Variants in LSAMP observed in about 807,000 individuals in gnomAD.
LSAMP encodes limbic system associated membrane protein.
Under a neutral mutation model 38.6 loss-of-function variants are expected in LSAMP, and 7 were observed. The ratio of observed to expected loss-of-function variants is 0.18; its 90% CI spans 0.10 to 0.34. The LOEUF is 0.34. Among genes scored for constraint, LSAMP ranks in the 10% least tolerant of loss-of-function variants. The pLI is 1.00. For synonymous variants in LSAMP, 154 were observed against 166.8 expected, an observed-to-expected ratio of 0.92 and a Z score of 0.59; for missense variants, 313 against 420.0, an observed-to-expected ratio of 0.75 and a Z score of 2.23.
At chr3:116,210,186 G>T (rs1297551530) in intron 1 of LSAMP, among the ~76,000 whole-genome samples, 1 of 152,162 alleles carries the variant, frequency 6.6e-6, no homozygotes, top group Non-Finnish European at 1.5e-5. Context: ...TGATTTTGAT[G>T]GTTAATATTG....
chr3:115,888,817 G>T (rs1216213892), intron 3 of LSAMP, among the ~76,000 whole-genome samples: 2 of 151,938 alleles, frequency 1.3e-5, no homozygotes, highest in Non-Finnish European at 2.9e-5. Flanking sequence ...AAAGAGGAAA[G>T]TCAACTATGT....
At chr3:116,211,120 T>C (rs1395700635) in intron 1 of LSAMP, among the ~76,000 whole-genome samples, 2 of 151,910 alleles carry the variant, frequency 1.3e-5, no homozygotes, top group Non-Finnish European at 2.9e-5. Context: ...ATCTCACTTA[T>C]ATGTAAAATC....
At chr3:115,965,907 T>C (rs1938794812) in intron 3 of LSAMP, among the ~76,000 whole-genome samples, 1 of 152,290 alleles carries the variant, frequency 6.6e-6, no homozygotes, top group Admixed American at 6.5e-5. Flanking sequence ...TAGTTGTATG[T>C]ATGTATAAAT....
intron 3 of LSAMP, among the ~76,000 whole-genome samples, chr3:115,967,908 GAC>G (rs1437183983): frequency 6.6e-6 from 1 of 152,096 alleles, no homozygotes; most frequent in Non-Finnish European, 1.5e-5. Context: ...TTTGGGTGGA[GAC>G]ACAGAGCCAA....
At chr3:116,269,958 C>T (rs147988724) in intron 1 of LSAMP, among the ~76,000 whole-genome samples, 13 of 152,226 alleles carry the variant, frequency 8.5e-5, no homozygotes, top group East Asian at 5.8e-4. Flanking sequence ...TGTGTCTACA[C>T]GCCCATGGGG....
intron 3 of LSAMP, among the ~76,000 whole-genome samples, chr3:116,003,088 G>A (rs1334404260): frequency 6.6e-6 from 1 of 152,116 alleles, no homozygotes; most frequent in Non-Finnish European, 1.5e-5. Flanking sequence ...TACCGTGGAA[G>A]GTACTTCATG....
chr3:115,828,505 C>T (rs1934501274), intron 6 of LSAMP, among the ~76,000 whole-genome samples: 1 of 152,210 alleles, frequency 6.6e-6, no homozygotes, highest in Non-Finnish European at 1.5e-5. Context: ...CCCATGTTAA[C>T]TGGCACATGA....
chr3:116,157,111 C>A (rs1389337736), intron 1 of LSAMP, among the ~76,000 whole-genome samples: 1 of 151,932 alleles, frequency 6.6e-6, no homozygotes, highest in Non-Finnish European at 1.5e-5. Context: ...ACTTCCTAAC[C>A]AGGCCCAGAC....
intron 2 of LSAMP, among the ~76,000 whole-genome samples, chr3:116,079,580 G>C (rs904531570): frequency 1.4e-5 from 2 of 145,886 alleles, no homozygotes; most frequent in African/African-American, 5.1e-5. Context: ...TGGAACCCTG[G>C]AGAATCAGGC....
chr3:115,939,619 A>G (rs1366048165), intron 3 of LSAMP, among the ~76,000 whole-genome samples: 1 of 139,286 alleles, frequency 7.2e-6, no homozygotes, highest in Non-Finnish European at 1.6e-5. Flanking sequence ...GTGGTGTGAC[A>G]TAGCTTGCTG....
At position 115,808,561 on chromosome 3, in the gene LSAMP, T is replaced by A. The variant is rs1271904810; in HGVS notation, c.*1756A>T. 6.6e-6 allele frequency: 1 copy of A among 152,188 alleles called. No homozygotes were observed. Among genetic ancestry groups the A allele is most frequent in the East Asian group, 1.9e-4 (1 of 5,176 alleles). 9.4% of individuals were successfully genotyped at this position (152,188 alleles called of 1,614,324 possible). A position where few individuals can be genotyped will look rare whatever the true frequency, so the allele number is the denominator to read the frequency against. On this transcript the variant is annotated 3_prime_UTR_variant, in exon 7 of 7. Transcript: ENST00000490035. ...CAGCAATTTTGGTTAAGGACCTAGA[T>A]CACATTTCAGTGTTAATGTCAAGAT...
intron 1 of LSAMP, among the ~76,000 whole-genome samples, chr3:116,356,346 C>A (rs1313478033): frequency 6.6e-6 from 1 of 152,136 alleles, no homozygotes; most frequent in African/African-American, 2.4e-5. Context: ...TTCACATGTT[C>A]TCACTCATTT....
chr3:116,397,223 A>G (rs1559853651), intron 1 of LSAMP, among the ~76,000 whole-genome samples: 1 of 152,054 alleles, frequency 6.6e-6, no homozygotes, highest in Non-Finnish European at 1.5e-5. Flanking sequence ...CTTTGATTTC[A>G]TGTATTTTCT....
intron 6 of LSAMP, among the ~76,000 whole-genome samples, chr3:115,822,589 A>G (rs933255120): frequency 1.3e-5 from 2 of 151,704 alleles, no homozygotes; most frequent in South Asian, 2.1e-4. Context: ...CAAACTCCCA[A>G]CCTCAGGTGA....
intron 6 of LSAMP, among the ~76,000 whole-genome samples, chr3:115,830,541 G>A (rs1314571796): frequency 6.6e-6 from 1 of 152,124 alleles, no homozygotes; most frequent in African/African-American, 2.4e-5. Context: ...TAGGGTTTTG[G>A]GAGTTGAGTT....
intron 1 of LSAMP, among the ~76,000 whole-genome samples, chr3:116,128,830 C>T (rs1477180511): frequency 1.3e-5 from 2 of 152,156 alleles, no homozygotes; most frequent in African/African-American, 4.8e-5. Flanking sequence ...AATTAATTCT[C>T]ACTTTCATGT....
intron 1 of LSAMP, among the ~76,000 whole-genome samples, chr3:116,214,069 A>G (rs1576437552): frequency 6.6e-6 from 1 of 152,356 alleles, no homozygotes; most frequent in African/African-American, 2.4e-5. Flanking sequence ...TCTTATCACA[A>G]TAAAATGATT....
chr3:115,999,934 G>A (rs1181254093), intron 3 of LSAMP, among the ~76,000 whole-genome samples: 3 of 152,138 alleles, frequency 2.0e-5, no homozygotes, highest in East Asian at 1.9e-4. Flanking sequence ...AACATGTGGC[G>A]TTCCCCAGTC....
At chr3:116,268,761 T>G (rs2107667295) in intron 1 of LSAMP, among the ~76,000 whole-genome samples, 1 of 152,254 alleles carries the variant, frequency 6.6e-6, no homozygotes, top group East Asian at 1.9e-4. Context: ...GCTCATTTGT[T>G]GCTTATAATT....
Sources: gnomAD v4.1 joint callset for allele counts (sites outside exome capture counted in the v4.1 genomes callset) on GRCh38, gnomAD v4.1.1 for gene constraint, MANE v1.5 for transcripts, NCBI Gene and HGNC (gene_info 2026-07-23, HGNC 2026-07-21) for gene names.